Variants in ZFHX3 observed in about 807,000 individuals in gnomAD.
The protein encoded by ZFHX3 is zinc finger homeobox 3.
Under a neutral mutation model 279.1 loss-of-function variants are expected in ZFHX3, and 42 were observed. The observed-to-expected ratio is 0.15, with a 90% CI of 0.12 to 0.19. ZFHX3 has a LOEUF of 0.19. ZFHX3 is among the 10% of genes least tolerant of loss of function. The pLI, the probability that ZFHX3 is intolerant of heterozygous loss-of-function variation, is 1.00. For synonymous variants in ZFHX3, 2,293 were observed against 1,957.8 expected (o/e 1.17, Z -4.52); for missense variants, 4,981 against 4,754.0 (o/e 1.05, Z -1.40).
At chr16:73,015,431 G>A (rs1161760467) in intron 1 of ZFHX3, 2 of 152,216 alleles carry the variant, frequency 1.3e-5, no homozygotes, top group African/African-American at 4.8e-5. Context: ...TACCGCATTT[G>A]AGATTTATAA....
intron 5 of ZFHX3, among the ~76,000 whole-genome samples, chr16:73,170,466 G>A (rs145294767): frequency 2.6e-5 from 4 of 152,140 alleles, no homozygotes; most frequent in African/African-American, 9.6e-5. Flanking sequence ...CTGACCTCAG[G>A]TGATCCGCCT....
At chr16:73,135,039 A>T (rs1028113100) in intron 6 of ZFHX3, among the ~76,000 whole-genome samples, 1 of 152,196 alleles carries the variant, frequency 6.6e-6, no homozygotes, top group Non-Finnish European at 1.5e-5. Flanking sequence ...TTGTTACTGC[A>T]TCATTACTTA....
chr16:73,363,068 G>A (rs1044411501), intron 3 of ZFHX3, among the ~76,000 whole-genome samples: 1 of 152,156 alleles, frequency 6.6e-6, no homozygotes, highest in African/African-American at 2.4e-5. Flanking sequence ...CAGCCGTAGA[G>A]GACAGCACAA....
rs1360357002 is a variant in ZFHX3, at chr16:73,699,337, AAAATT to A, written c.-1607-19102_-1607-19098del. 3.3e-5 allele frequency among the ~76,000 whole-genome samples: 5 copies of A among 152,230 alleles called. No individual in the cohort carries two copies. The East Asian group carries it at 9.6e-4, about 29-fold the overall frequency. Reference sequence around the variant, plus strand: ...AAAATAAAAAGAAAAAAATAGATATAAAATTGAATATAAAATGACAGATGAACATA... The same window carrying A: ...AAAATAAAAAGAAAAAAATAGATATAGAATATAAAATGACAGATGAACATA... On this transcript the variant is annotated intron_variant, in intron 1 of 17. Coordinates refer to the ZFHX3 transcript ENST00000641206.
intron 2 of ZFHX3, among the ~76,000 whole-genome samples, chr16:73,546,321 G>C (rs558435070): frequency 6.6e-6 from 1 of 152,146 alleles, no homozygotes; most frequent in Non-Finnish European, 1.5e-5. Context: ...GCATCCAATA[G>C]GTTTCTGGGA....
At chr16:73,392,050 G>A (rs1198446613) in intron 3 of ZFHX3, among the ~76,000 whole-genome samples, 1 of 152,042 alleles carries the variant, frequency 6.6e-6, no homozygotes. Context: ...TTTTTGAAGG[G>A]GAATTTAAAA....
At chr16:73,078,514 G>A (rs933156168) in intron 8 of ZFHX3, among the ~76,000 whole-genome samples, 1 of 152,138 alleles carries the variant, frequency 6.6e-6, no homozygotes, top group Non-Finnish European at 1.5e-5. Flanking sequence ...CCAATCTCGT[G>A]AGCCTGAAAT....
At chr16:73,051,922 G>A (rs892780773), upstream of ZFHX3, among the ~76,000 whole-genome samples, 24 of 152,290 alleles carry the variant, frequency 1.6e-4, no homozygotes, top group African/African-American at 5.3e-4. Context: ...TCTAAACCTT[G>A]AAATTGAGAA....
At chr16:73,037,065 C>G (rs1964935374) in intron 1 of ZFHX3, among the ~76,000 whole-genome samples, 1 of 152,150 alleles carries the variant, frequency 6.6e-6, no homozygotes, top group East Asian at 1.9e-4. Context: ...ATCAACTATA[C>G]CTTGTCAAAG....
intron 1 of ZFHX3, among the ~76,000 whole-genome samples, chr16:73,708,086 G>GC (rs1360596877): frequency 6.7e-6 from 1 of 148,722 alleles, no homozygotes; most frequent in Non-Finnish European, 1.5e-5. Context: ...TGGTGGGGGG[G>GC]GGAAGTATTT....
At chr16:73,120,298 T>A (rs1433991261) in intron 7 of ZFHX3, among the ~76,000 whole-genome samples, 1 of 152,116 alleles carries the variant, frequency 6.6e-6, no homozygotes, top group Non-Finnish European at 1.5e-5. Flanking sequence ...TCTTGCTCTG[T>A]CACCCCGGCT....
At chr16:73,839,133 A>G (rs1203857790) in intron 1 of ZFHX3, among the ~76,000 whole-genome samples, 1 of 151,778 alleles carries the variant, frequency 6.6e-6, no homozygotes, top group Non-Finnish European at 1.5e-5. Context: ...GTACGAAAGC[A>G]GAAAAAAGTT....
At chr16:73,603,284 C>CAAA (rs1213173062) in intron 2 of ZFHX3, among the ~76,000 whole-genome samples, 1 of 90,326 alleles carries the variant, frequency 1.1e-5, no homozygotes, top group African/African-American at 4.0e-5. Flanking sequence ...GACTCCATCT[C>CAAA]AAAAAAAAAA....
At chr16:72,998,514 T>C (rs1597072179) in intron 1 of ZFHX3, among the ~76,000 whole-genome samples, 2 of 152,348 alleles carry the variant, frequency 1.3e-5, no homozygotes, top group Middle Eastern at 6.8e-3. Context: ...ATCTAGGTTT[T>C]ATTAAGACAG....
intron 3 of ZFHX3, among the ~76,000 whole-genome samples, chr16:73,427,135 A>G (rs961414463): frequency 2.6e-5 from 4 of 152,212 alleles, no homozygotes; most frequent in Non-Finnish European, 4.4e-5. Context: ...AAGCCAAAGG[A>G]AAGTAGAGGG....
At chr16:73,436,800 CTGTT>C (rs968048972) in intron 3 of ZFHX3, among the ~76,000 whole-genome samples, 1 of 152,136 alleles carries the variant, frequency 6.6e-6, no homozygotes, top group Admixed American at 6.5e-5. Context: ...GGCTTCCTTC[CTGTT>C]TGTTTGTCTC....
At chr16:73,492,376 G>T (rs989375217) in intron 2 of ZFHX3, among the ~76,000 whole-genome samples, 2 of 152,158 alleles carry the variant, frequency 1.3e-5, no homozygotes, top group African/African-American at 4.8e-5. Flanking sequence ...GTATGGCTGT[G>T]TTGACTGGAA....
chr16:73,458,539 C>A (rs2018416090), intron 2 of ZFHX3, among the ~76,000 whole-genome samples: 1 of 152,016 alleles, frequency 6.6e-6, no homozygotes, highest in African/African-American at 2.4e-5. Flanking sequence ...CCACACCCTG[C>A]TAATTTTTGT....
At chr16:73,868,217 T>C (rs1432511629) in intron 1 of ZFHX3, among the ~76,000 whole-genome samples, 1 of 152,192 alleles carries the variant, frequency 6.6e-6, no homozygotes, top group Non-Finnish European at 1.5e-5. Flanking sequence ...CACATCACCC[T>C]CTGAAGTCAA....
Sources: allele counts gnomAD v4.1 joint callset (sites outside exome capture counted in the v4.1 genomes callset), GRCh38; gene constraint gnomAD v4.1.1; transcripts MANE v1.5; gene names NCBI Gene and HGNC (gene_info 2026-07-23, HGNC 2026-07-21).